Variants in SEZ6 observed in about 807,000 individuals in gnomAD.
SEZ6 encodes seizure protein 6 homolog.
A neutral mutation model predicts 101.0 loss-of-function variants in SEZ6; 53 were observed. That is an observed-to-expected ratio of 0.52 (90% confidence interval 0.42 to 0.66). The LOEUF is 0.66. Ranked by LOEUF, SEZ6 falls within the 30% of genes least tolerant of loss-of-function variation. The pLI is 0.00. For missense variants in SEZ6, 1,102 were observed against 1,289.4 expected, an observed-to-expected ratio of 0.85 and a Z score of 2.23; for synonymous variants, 488 against 512.2, an observed-to-expected ratio of 0.95 and a Z score of 0.64.
chr17:28,971,038 C>T (rs2041144424), intron 3 of SEZ6, among the ~76,000 whole-genome samples: 1 of 152,180 alleles, frequency 6.6e-6, no homozygotes, highest in Non-Finnish European at 1.5e-5. Context: ...GGCTCCATGC[C>T]TCCATTCAGG....
chr17:28,991,170 G>T (rs946328482), intron 1 of SEZ6, among the ~76,000 whole-genome samples: 12 of 151,968 alleles, frequency 7.9e-5, no homozygotes, highest in Non-Finnish European at 1.5e-4. Flanking sequence ...CTCCCAAAAT[G>T]CTGGGATTAC....
At chr17:28,968,786 C>A (rs1567988097) in intron 4 of SEZ6, among the ~76,000 whole-genome samples, 1 of 152,186 alleles carries the variant, frequency 6.6e-6, no homozygotes, top group Non-Finnish European at 1.5e-5. Context: ...CAATGCAAGA[C>A]AATCCCTTGA....
chr17:28,963,966 G>A lies in SEZ6; in HGVS notation c.1236C>T (p.Cys412=). ...CCCTTTCCCCTGGGCACTCACCGAT[G>A]CAGACGGGCTCCTTTGAATCCCAGA... ...QPFWDSKEPV[C]IAACGGVIRN... Residue 412 remains cysteine, a synonymous_variant, in exon 5 of 17, where the codon TGC becomes TGT. Coordinates refer to ENST00000317338, the MANE Select transcript of SEZ6 (RefSeq NM_178860.5). The A allele has an allele frequency of 7.5e-6, 12 of 1,610,584 alleles. No individual in the cohort carries two copies. The highest frequency in any genetic ancestry group is 2.2e-5 in the East Asian group (1 of 44,804).
chr17:28,964,250 T>C, intron 4 of SEZ6, 103 bp from the exon 5 acceptor site: 3 of 1,251,478 alleles, frequency 2.4e-6, no homozygotes, highest in Non-Finnish European at 3.3e-6. Flanking sequence ...GGAGGTGTCA[T>C]TTGGGGCCAG....
chr17:29,002,269 A>G (rs1450430870), intron 1 of SEZ6, among the ~76,000 whole-genome samples: 17 of 151,970 alleles, frequency 1.1e-4, no homozygotes, highest in Non-Finnish European at 2.9e-5. Flanking sequence ...AACTGGATGG[A>G]TGGAGGGGCT....
At chr17:29,001,423 A>C (rs1021208579) in intron 1 of SEZ6, among the ~76,000 whole-genome samples, 2 of 152,198 alleles carry the variant, frequency 1.3e-5, no homozygotes, top group Non-Finnish European at 2.9e-5. Context: ...GGATGGTGAG[A>C]GCACAGAAGA....
At chr17:28,984,601 G>T (rs567579304) in intron 1 of SEZ6, among the ~76,000 whole-genome samples, 41 of 152,368 alleles carry the variant, frequency 2.7e-4, no homozygotes, top group African/African-American at 9.4e-4. Context: ...TGCACTGATT[G>T]TGCTATCTGG....
At chr17:28,990,593 G>A (rs1452319768) in intron 1 of SEZ6, among the ~76,000 whole-genome samples, 1 of 151,884 alleles carries the variant, frequency 6.6e-6, no homozygotes, top group South Asian at 2.1e-4. Context: ...TGACAAGATG[G>A]CTCCACCTGG....
At chr17:28,977,408 C>G (rs2041235914) in intron 3 of SEZ6, among the ~76,000 whole-genome samples, 1 of 152,282 alleles carries the variant, frequency 6.6e-6, no homozygotes, top group Non-Finnish European at 1.5e-5. Context: ...GACCCTGCCC[C>G]CATGGCACCG....
intron 1 of SEZ6, among the ~76,000 whole-genome samples, chr17:28,991,228 G>A (rs1055357013): frequency 2.5e-4 from 36 of 142,660 alleles, no homozygotes; most frequent in African/African-American, 9.5e-4. Context: ...TTATTGAGAC[G>A]GAATCTCGCT....
intron 1 of SEZ6, among the ~76,000 whole-genome samples, chr17:29,003,236 C>G (rs2041638622): frequency 6.6e-6 from 1 of 152,200 alleles, no homozygotes; most frequent in Non-Finnish European, 1.5e-5. Context: ...CCGCTTTTTC[C>G]TCCACTGTGG....
chr17:28,957,632 C>T, intron 11 of SEZ6, 93 bp from the exon 12 acceptor site: 3 of 1,365,924 alleles, frequency 2.2e-6, no homozygotes, highest in Non-Finnish European at 3.0e-6. Context: ...CTAACTTCTT[C>T]ATGTCGTATG....
At chr17:28,975,389 C>A (rs1480736165) in intron 3 of SEZ6, among the ~76,000 whole-genome samples, 2 of 152,190 alleles carry the variant, frequency 1.3e-5, no homozygotes, top group African/African-American at 4.8e-5. Flanking sequence ...TCATCTGGTT[C>A]AATCTCCCTT....
At chr17:28,987,668 A>G (rs1273357036) in intron 1 of SEZ6, among the ~76,000 whole-genome samples, 2 of 152,124 alleles carry the variant, frequency 1.3e-5, no homozygotes, top group East Asian at 3.9e-4. Flanking sequence ...GGTAGCCAGG[A>G]AACTGGGGCT....
intron 1 of SEZ6, among the ~76,000 whole-genome samples, chr17:28,985,109 G>C (rs1464953401): frequency 2.0e-5 from 3 of 152,210 alleles, no homozygotes; most frequent in Non-Finnish European, 4.4e-5. Context: ...TTAAACCTTC[G>C]ATGATTTGGC....
At chr17:28,969,283 C>G (rs956042264) in intron 4 of SEZ6, among the ~76,000 whole-genome samples, 6 of 152,172 alleles carry the variant, frequency 3.9e-5, no homozygotes, top group African/African-American at 1.4e-4. Context: ...GGCAGCTAAG[C>G]AGATGGTCAT....
chr17:28,985,908 C>T (rs930073382), intron 1 of SEZ6, among the ~76,000 whole-genome samples: 1 of 152,248 alleles, frequency 6.6e-6, no homozygotes, highest in African/African-American at 2.4e-5. Context: ...CCACCTGGTG[C>T]CAGAACACAG....
rs1306164228 is a variant in SEZ6, at chr17:29,005,659, C to G, written c.55+156G>C. ...CTTCCCGCCCGCGAAGCCCGCGCCC[C>G]GCCCGGCTTGGCCGGCGCCGGGGGC... On this transcript the variant is annotated intron_variant, in intron 1 of 16. Coordinates refer to ENST00000317338, the MANE Select transcript of SEZ6 (RefSeq NM_178860.5). The surrounding 1 kb of genome is among the most constrained non-coding windows in gnomAD (Gnocchi z 4.8). Among the ~76,000 whole-genome samples the G allele has an allele frequency of 1.3e-5, 2 of 151,142 alleles. No homozygotes were observed. Among genetic ancestry groups the G allele is most frequent in the Admixed American group, 6.6e-5 (1 of 15,168 alleles).
chr17:28,979,700 C>T lies in SEZ6; in HGVS notation c.838G>A (p.Gly280Ser), dbSNP rs891157161. 6.2e-7 allele frequency: 1 copy of T among 1,613,984 alleles called. No individual in the cohort carries two copies. The highest frequency in any genetic ancestry group is 8.5e-7 in the Non-Finnish European group (1 of 1,179,876). The stretch of plus-strand genomic sequence containing the variant: ...CTCACCTTGATTTCCACGCCATAGC[C>T]AGGGTAGACAGAGATGTAGAAGAAG... ...DCFFYISVYP[G>S]YGVEIKVQNI... Residue 280 changes from glycine (G) to serine (S), a missense_variant, in exon 3 of 17, where the codon GGC (glycine) becomes AGC (serine). Physicochemically the swap from Gly to Ser is moderately conservative, Grantham distance 56. Coordinates refer to ENST00000317338, the MANE Select transcript of SEZ6 (RefSeq NM_178860.5).
Sources: allele counts gnomAD v4.1 joint callset (sites outside exome capture counted in the v4.1 genomes callset), GRCh38; gene constraint gnomAD v4.1.1; non-coding constraint Gnocchi (gnomAD v3.1); transcripts MANE v1.5; gene names NCBI Gene and HGNC (gene_info 2026-07-23, HGNC 2026-07-21).